Variants in GSTCD observed in about 807,000 individuals in gnomAD.
GSTCD encodes glutathione S-transferase C-terminal domain containing.
A neutral mutation model predicts 68.3 loss-of-function variants in GSTCD; 44 were observed. The ratio of observed to expected loss-of-function variants is 0.64; its 90% CI spans 0.51 to 0.83. GSTCD has a LOEUF of 0.83. Among genes scored for constraint, GSTCD ranks in the 40% least tolerant of loss-of-function variants. The pLI is 0.00. For missense variants in GSTCD, 739 were observed against 735.9 expected, an observed-to-expected ratio of 1.00 and a Z score of -0.05; for synonymous variants, 273 against 255.2, an observed-to-expected ratio of 1.07 and a Z score of -0.67.
chr4:105,740,260 T>C (rs781523370), intron 5 of GSTCD, among the ~76,000 whole-genome samples: 22 of 151,896 alleles, frequency 1.4e-4, no homozygotes, highest in Non-Finnish European at 3.1e-4. Flanking sequence ...ATCAACACTT[T>C]GAACAACTAT....
intron 5 of GSTCD, among the ~76,000 whole-genome samples, chr4:105,789,348 A>C (rs1735579378): frequency 6.6e-6 from 1 of 152,114 alleles, no homozygotes; most frequent in Non-Finnish European, 1.5e-5. Flanking sequence ...GGGATGGCTT[A>C]GGTGGGCCCT....
chr4:105,790,741 G>A (rs943608851), intron 5 of GSTCD, among the ~76,000 whole-genome samples: 3 of 152,058 alleles, frequency 2.0e-5, no homozygotes, highest in African/African-American at 7.3e-5. Flanking sequence ...ACAGAGCAAT[G>A]GAGGTAAGGT....
intron 11 of GSTCD, among the ~76,000 whole-genome samples, chr4:105,844,273 GA>G (rs1578531479): frequency 6.6e-6 from 1 of 151,756 alleles, no homozygotes; most frequent in Non-Finnish European, 1.5e-5. Context: ...TATTTTAAGG[GA>G]AAAAAAAGAA....
intron 8 of GSTCD, among the ~76,000 whole-genome samples, chr4:105,832,683 TAA>T (rs1158560303): frequency 6.6e-6 from 1 of 152,172 alleles, no homozygotes; most frequent in African/African-American, 2.4e-5. Flanking sequence ...AAATTGGAGA[TAA>T]TAAAGTCTTT....
At chr4:105,774,469 G>T (rs1734976714) in intron 5 of GSTCD, among the ~76,000 whole-genome samples, 2 of 152,226 alleles carry the variant, frequency 1.3e-5, no homozygotes, top group South Asian at 4.1e-4. Context: ...AATTTCGTAT[G>T]TTTTTGCAGT....
chr4:105,760,995 AAT>A, intron 5 of GSTCD: 1 of 258,984 alleles, frequency 3.9e-6, no homozygotes, highest in Admixed American at 6.2e-5. Context: ...ATCCTTTTTT[AAT>A]TTTTTTTTTT....
chr4:105,777,323 ATTAATTTTC>A (rs368475860), intron 5 of GSTCD, among the ~76,000 whole-genome samples: 1 of 152,292 alleles, frequency 6.6e-6, no homozygotes, highest in African/African-American at 2.4e-5. Context: ...TCTTTCTGAT[ATTAATTTTC>A]TTACGTAGAA....
intron 5 of GSTCD, among the ~76,000 whole-genome samples, chr4:105,805,032 CT>C (rs1194712976): frequency 2.0e-5 from 3 of 151,976 alleles, no homozygotes; most frequent in Non-Finnish European, 4.4e-5. Context: ...CATATTACAG[CT>C]ATTATATTTA....
At chr4:105,804,869 C>G (rs1367386737) in intron 5 of GSTCD, among the ~76,000 whole-genome samples, 1 of 152,010 alleles carries the variant, frequency 6.6e-6, no homozygotes, top group Admixed American at 6.6e-5. Context: ...GTTCAGCTCC[C>G]GTTTATAAGT....
chr4:105,718,809 C>T (rs1732765636), intron 2 of GSTCD, among the ~76,000 whole-genome samples: 1 of 151,974 alleles, frequency 6.6e-6, no homozygotes, highest in Non-Finnish European at 1.5e-5. Flanking sequence ...GAGGGTAGGA[C>T]AGGGGAGGTA....
intron 9 of GSTCD, among the ~76,000 whole-genome samples, chr4:105,835,498 T>C (rs1658260629): frequency 6.6e-6 from 1 of 152,104 alleles, no homozygotes; most frequent in African/African-American, 2.4e-5. Flanking sequence ...CAGCTTCCAC[T>C]GTGAGCACTA....
chr4:105,776,096 C>T (rs1036013383), intron 5 of GSTCD, among the ~76,000 whole-genome samples: 2 of 152,312 alleles, frequency 1.3e-5, no homozygotes, highest in African/African-American at 2.4e-5. Flanking sequence ...TGCTGGACTT[C>T]GGTGGGCTAC....
chr4:105,734,502 A>C (rs998154918), intron 5 of GSTCD, among the ~76,000 whole-genome samples: 7 of 152,054 alleles, frequency 4.6e-5, no homozygotes, highest in African/African-American at 1.7e-4. Flanking sequence ...TTGTGCATTC[A>C]TCATGTAGTT....
intron 5 of GSTCD, among the ~76,000 whole-genome samples, chr4:105,784,224 G>A (rs139968952): frequency 6.6e-6 from 1 of 152,240 alleles, no homozygotes; most frequent in East Asian, 1.9e-4. Context: ...CATAGACTAG[G>A]TAAATTATAA....
At chr4:105,755,771 AG>A (rs771286698) in intron 5 of GSTCD, among the ~76,000 whole-genome samples, 1 of 152,254 alleles carries the variant, frequency 6.6e-6, no homozygotes, top group African/African-American at 2.4e-5. Flanking sequence ...GTAATCCAAG[AG>A]ATAAATTATT....
chr4:105,774,993 A>G (rs1377937324), intron 5 of GSTCD, among the ~76,000 whole-genome samples: 1 of 55,640 alleles, frequency 1.8e-5, no homozygotes. Flanking sequence ...CAGGTACACC[A>G]ATCAAACTTA....
intron 5 of GSTCD, among the ~76,000 whole-genome samples, chr4:105,785,842 T>C (rs1303554618): frequency 6.6e-6 from 1 of 152,168 alleles, no homozygotes; most frequent in Non-Finnish European, 1.5e-5. Flanking sequence ...TGATCTTCTA[T>C]ACAGAAAATC....
chr4:105,757,473 CAAACTCTG>C (rs1734238198), intron 5 of GSTCD, among the ~76,000 whole-genome samples: 1 of 152,156 alleles, frequency 6.6e-6, no homozygotes, highest in Admixed American at 6.6e-5. Flanking sequence ...AGCATCTCTT[CAAACTCTG>C]TTCACATTCT....
chr4:105,750,786 C>T (rs1256749456), intron 5 of GSTCD, among the ~76,000 whole-genome samples: 1 of 152,048 alleles, frequency 6.6e-6, no homozygotes, highest in Non-Finnish European at 1.5e-5. Flanking sequence ...TATATATGTG[C>T]AATGGAATAC....
Sources: gnomAD v4.1 joint callset for allele counts (sites outside exome capture counted in the v4.1 genomes callset) on GRCh38, gnomAD v4.1.1 for gene constraint, MANE v1.5 for transcripts, NCBI Gene and HGNC (gene_info 2026-07-23, HGNC 2026-07-21) for gene names.